The following STX7 variants were observed in gnomAD, a reference collection of about 807,000 sequenced individuals.
The protein encoded by STX7 is syntaxin 7.
Under a neutral mutation model 39.6 loss-of-function variants are expected in STX7, and 34 were observed. That is an observed-to-expected ratio of 0.86 (90% CI 0.65 to 1.14). The LOEUF (loss-of-function observed/expected upper bound fraction) is 1.14, where lower values mean the gene tolerates loss of function less well. Among genes scored for constraint, STX7 ranks in the 50% most tolerant of loss-of-function variants. STX7 has a pLI of 0.00. For synonymous variants in STX7, 119 were observed against 99.1 expected (o/e 1.20, Z -1.19); for missense variants, 284 against 310.4 (o/e 0.92, Z 0.64).
rs1774134088 is a variant in STX7, at chr6:132,451,417, A to C, written c.*9341T>G. The C allele has an allele frequency of 6.6e-6, 1 of 152,160 alleles. No homozygotes were observed. The highest frequency in any genetic ancestry group is 1.5e-5 in the Non-Finnish European group (1 of 68,054). The allele number at this position is 152,160 out of a possible 1,614,324, so 9.4% of individuals were successfully genotyped here. ...GGCTGGAAGTGGCAGAACAATTTTC[A>C]AGTGCTGAAAGAAAAGAACTATAAA... On this transcript the variant is annotated 3_prime_UTR_variant, in exon 10 of 10. Coordinates refer to ENST00000367941, the MANE Select transcript of STX7 (RefSeq NM_003569.3).
chr6:132,492,525 G>A (rs1013895520), intron 2 of STX7, among the ~76,000 whole-genome samples: 1 of 152,172 alleles, frequency 6.6e-6, no homozygotes, highest in Non-Finnish European at 1.5e-5. Context: ...CATCACAGGT[G>A]TTTAATAAAT....
chr6:132,494,884 T>C (rs577887990), intron 2 of STX7, among the ~76,000 whole-genome samples: 1 of 152,252 alleles, frequency 6.6e-6, no homozygotes, highest in African/African-American at 2.4e-5. Context: ...GAGGCAGGAA[T>C]GGAAGTGAGG....
intron 9 of STX7, among the ~76,000 whole-genome samples, chr6:132,463,718 G>A (rs376499388): frequency 1.3e-5 from 2 of 152,238 alleles, no homozygotes; most frequent in African/African-American, 2.4e-5. Context: ...AGAGATCCCC[G>A]GCCATCAGAA....
chr6:132,470,768 CAGAG>C (rs1774695952), intron 5 of STX7, 142 bp from the exon 6 acceptor site: 3 of 419,074 alleles, frequency 7.2e-6, no homozygotes, highest in Non-Finnish European at 1.3e-5. Flanking sequence ...TGTGTAGAGA[CAGAG>C]AGAAAGAAGT....
chr6:132,463,624 G>C (rs931612260), intron 9 of STX7, among the ~76,000 whole-genome samples: 3 of 152,168 alleles, frequency 2.0e-5, no homozygotes, highest in African/African-American at 7.2e-5. Context: ...CAAAAAGAAA[G>C]AAAAAGTAAA....
Position 132,454,923 on chromosome 6 carries a change from TTA to T in STX7, c.*5833_*5834del, listed in dbSNP as rs907168338. The T allele has an allele frequency of 2.6e-5, 4 of 152,168 alleles. No individual in the cohort carries two copies. The highest frequency in any genetic ancestry group is 7.2e-5 in the African/African-American group (3 of 41,430). The allele number at this position is 152,168 out of a possible 1,614,324, so 9.4% of individuals were successfully genotyped here. A position where few individuals can be genotyped will look rare whatever the true frequency, so the allele number is the denominator to read the frequency against. On this transcript the variant is annotated 3_prime_UTR_variant, in exon 10 of 10. Transcript: ENST00000367941. The stretch of plus-strand genomic sequence containing the variant: ...TTAAATGTTAAAACTATGATAACCT[TTA>T]TGAGGCTGAACATTAAATCTGGCCC...
intron 3 of STX7, among the ~76,000 whole-genome samples, chr6:132,472,873 AGGG>A: frequency 6.7e-6 from 1 of 148,962 alleles, no homozygotes; most frequent in Non-Finnish European, 1.5e-5. Context: ...GGCGGGGGGG[AGGG>A]GCCAGGCATG....
At chr6:132,468,715 C>CT (rs5880128) in intron 7 of STX7, among the ~76,000 whole-genome samples, 2,132 of 95,984 alleles carry the variant, frequency 0.022, 17 homozygotes, top group Non-Finnish European at 0.034. Context: ...ACCAAGTGAG[C>CT]GAGGCAGGAT....
rs972479480 is a variant in STX7 at position 132,458,678 on chromosome 6, G to A, written c.*2080C>T. ...AAGTTCAAGATTTTTTAAAAAATTT[G>A]GCTACCATACTATGTTTCTTATTTA... On this transcript the variant is annotated 3_prime_UTR_variant, in exon 10 of 10. Coordinates refer to ENST00000367941, the MANE Select transcript of STX7 (RefSeq NM_003569.3). 2.0e-5 allele frequency: 3 copies of A among 152,040 alleles called. No individual in the cohort carries two copies. Among genetic ancestry groups the A allele is most frequent in the African/African-American group, 7.2e-5 (3 of 41,384 alleles). The allele number at this position is 152,040 out of a possible 1,614,324, so 9.4% of individuals were successfully genotyped here.
chr6:132,484,289 C>T (rs144454216), intron 2 of STX7, among the ~76,000 whole-genome samples: 1 of 152,106 alleles, frequency 6.6e-6, no homozygotes, highest in Non-Finnish European at 1.5e-5. Context: ...AAACAGTGTC[C>T]CGTTTCTGGC....
intron 2 of STX7, among the ~76,000 whole-genome samples, chr6:132,500,668 A>C (rs1215630473): frequency 1.3e-5 from 2 of 152,238 alleles, no homozygotes; most frequent in African/African-American, 4.8e-5. Context: ...ACATTCCTAC[A>C]GTTTGGAACA....
chr6:132,451,177 A>C lies in STX7; in HGVS notation c.*9581T>G, dbSNP rs1391230255. On this transcript the variant is annotated 3_prime_UTR_variant, in exon 10 of 10. Transcript: ENST00000367941. ...CAGTGGTGCGATCTCAGCTCACTGTAATCTCCGCCTACGGGTTCAAGTGAT... is the reference window on the plus strand; with the variant it reads ...CAGTGGTGCGATCTCAGCTCACTGTCATCTCCGCCTACGGGTTCAAGTGAT... The C allele has an allele frequency of 1.3e-5, 2 of 150,208 alleles. No individual in the cohort carries two copies. Among genetic ancestry groups the C allele is most frequent in the Non-Finnish European group, 2.9e-5 (2 of 67,848 alleles). The allele number at this position is 150,208 out of a possible 1,614,324, so 9.3% of individuals were successfully genotyped here.
intron 2 of STX7, among the ~76,000 whole-genome samples, chr6:132,502,273 C>T (rs900107966): frequency 6.6e-6 from 1 of 152,130 alleles, no homozygotes; most frequent in African/African-American, 2.4e-5. Context: ...TTTGAAAACA[C>T]TATTTCTGCA....
At chr6:132,489,764 A>T (rs2114436834) in intron 2 of STX7, among the ~76,000 whole-genome samples, 1 of 152,340 alleles carries the variant, frequency 6.6e-6, no homozygotes, top group Non-Finnish European at 1.5e-5. Flanking sequence ...TCCACAAAGC[A>T]ATCTCAAATT....
intron 7 of STX7, among the ~76,000 whole-genome samples, chr6:132,469,390 T>G (rs919801176): frequency 2.0e-5 from 3 of 152,280 alleles, no homozygotes; most frequent in Middle Eastern, 3.4e-3. Flanking sequence ...GGTCCATAGA[T>G]GGCTTGATAT....
rs368964430 is a variant in STX7 at position 132,505,739 on chromosome 6, TAAAAAAA to T, written c.-58-2158_-58-2152del. Reference sequence around the variant, plus strand: ...ATTTTAAATGCATCTCCAAGTCACTTAAAAAAAAAAAAAAAAAAAAAAAAACACAGGT... The same window carrying T: ...ATTTTAAATGCATCTCCAAGTCACTTAAAAAAAAAAAAAAAAAACACAGGT... On this transcript the variant is annotated intron_variant, in intron 1 of 9. Coordinates refer to ENST00000367941, the MANE Select transcript of STX7 (RefSeq NM_003569.3). Among the ~76,000 whole-genome samples, 28 of 60,416 alleles carry T rather than the reference TAAAAAAA, an allele frequency of 4.6e-4. 1 individual carries two copies. The South Asian group carries it at 0.019, about 42-fold the overall frequency. The allele number at this position is 60,416 out of a possible 152,430, so 39.6% of individuals were successfully genotyped here.
At chr6:132,501,653 G>A (rs1775561225) in intron 2 of STX7, among the ~76,000 whole-genome samples, 1 of 151,920 alleles carries the variant, frequency 6.6e-6, no homozygotes, top group Admixed American at 6.6e-5. Context: ...TCTCAGTACA[G>A]GACAGTCATT....
chr6:132,465,446 T>A (rs1309009637), intron 8 of STX7, among the ~76,000 whole-genome samples: 1 of 152,200 alleles, frequency 6.6e-6, no homozygotes, highest in East Asian at 1.9e-4. Context: ...TAGCCTCAGC[T>A]TACTCTCATC....
At chr6:132,496,170 A>C (rs1177729550) in intron 2 of STX7, among the ~76,000 whole-genome samples, 1 of 152,124 alleles carries the variant, frequency 6.6e-6, no homozygotes, top group African/African-American at 2.4e-5. Flanking sequence ...TATACTCATA[A>C]ATTCTGATGA....
Sources: allele counts gnomAD v4.1 joint callset (sites outside exome capture counted in the v4.1 genomes callset), GRCh38; gene constraint gnomAD v4.1.1; transcripts MANE v1.5; gene names NCBI Gene and HGNC (gene_info 2026-07-23, HGNC 2026-07-21).